The following TMEM117 variants were observed in gnomAD, a reference collection of about 807,000 sequenced individuals.
TMEM117 encodes transmembrane protein 117.
In TMEM117, 27 loss-of-function variants were observed where a neutral mutation model predicts 52.4. The ratio of observed to expected loss-of-function variants is 0.51; its 90% confidence interval spans 0.38 to 0.71. TMEM117 has a LOEUF of 0.71. Ranked by LOEUF, TMEM117 falls within the 30% of genes least tolerant of loss-of-function variation. The probability of loss-of-function intolerance (pLI) is 0.00; values close to 1 mark genes in which losing one functional copy is unlikely to be tolerated. For missense variants in TMEM117, 556 were observed against 630.5 expected, an observed-to-expected ratio of 0.88 and a Z score of 1.26; for synonymous variants, 215 against 206.3, an observed-to-expected ratio of 1.04 and a Z score of -0.36.
At chr12:44,240,235 G>A (rs1394396777) in intron 5 of TMEM117, among the ~76,000 whole-genome samples, 1 of 152,076 alleles carries the variant, frequency 6.6e-6, no homozygotes. Flanking sequence ...TCTAATTTAT[G>A]GGTCACAGTA....
chr12:44,332,577 A>G (rs1951285228), intron 6 of TMEM117, among the ~76,000 whole-genome samples: 1 of 152,086 alleles, frequency 6.6e-6, no homozygotes, highest in Non-Finnish European at 1.5e-5. Flanking sequence ...TGAGAGTTCT[A>G]TCAATTCTAG....
At chr12:44,257,150 A>T (rs910999628) in intron 5 of TMEM117, among the ~76,000 whole-genome samples, 2 of 151,394 alleles carry the variant, frequency 1.3e-5, no homozygotes, top group Non-Finnish European at 2.9e-5. Flanking sequence ...ACTCAAGCAA[A>T]GAAGAAAGAG....
chr12:44,076,305 T>G (rs1230055492), intron 3 of TMEM117, among the ~76,000 whole-genome samples: 1 of 152,208 alleles, frequency 6.6e-6, no homozygotes, highest in Non-Finnish European at 1.5e-5. Flanking sequence ...ACACAAAAGT[T>G]ACTTGATATA....
Position 43,906,518 on chromosome 12 carries a change from C to T in TMEM117, c.278-37692C>T, listed in dbSNP as rs540587374. On this transcript the variant is annotated intron_variant, in intron 2 of 7. Coordinates refer to ENST00000266534, the MANE Select transcript of TMEM117 (RefSeq NM_032256.3). ...CAAGATGGCCGAATAGGAACAGCTC[C>T]GGTCTACAGCTCCCAGCGTGAGCGA... Among the ~76,000 whole-genome samples the T allele has an allele frequency of 9.9e-3, 1,513 of 152,084 alleles. 12 individuals are homozygous for T. The highest frequency in any genetic ancestry group is 0.034 in the South Asian group (163 of 4,806).
At chr12:44,063,066 C>A (rs1947164246) in intron 3 of TMEM117, among the ~76,000 whole-genome samples, 1 of 152,186 alleles carries the variant, frequency 6.6e-6, no homozygotes, top group Non-Finnish European at 1.5e-5. Flanking sequence ...GTTGAACAGT[C>A]TGAACATTTA....
intron 2 of TMEM117, among the ~76,000 whole-genome samples, chr12:43,898,058 AC>A (rs1333241252): frequency 6.6e-6 from 1 of 151,872 alleles, no homozygotes; most frequent in Non-Finnish European, 1.5e-5. Context: ...GCACACACAC[AC>A]ACACACACAC....
At chr12:44,189,529 T>C (rs1184885798) in intron 4 of TMEM117, among the ~76,000 whole-genome samples, 1 of 152,204 alleles carries the variant, frequency 6.6e-6, no homozygotes, top group Non-Finnish European at 1.5e-5. Context: ...ATTAACTTAC[T>C]TGTTATGTGC....
At chr12:44,178,228 T>C (rs1344580476) in intron 4 of TMEM117, among the ~76,000 whole-genome samples, 2 of 152,212 alleles carry the variant, frequency 1.3e-5, no homozygotes, top group Non-Finnish European at 2.9e-5. Context: ...ATCAATTTAT[T>C]GACCCATATT....
chr12:44,372,996 T>C lies in TMEM117; in HGVS notation c.769-3599T>C, dbSNP rs538453922. On this transcript the variant is annotated intron_variant, in intron 6 of 7. Coordinates refer to ENST00000266534, the MANE Select transcript of TMEM117 (RefSeq NM_032256.3). ...ATATGTAATTTTTATTTGTCAATTA[T>C]ACTTCAGTAAAAAATGGGCTAATAA... 2.6e-5 allele frequency among the ~76,000 whole-genome samples: 4 copies of C among 152,356 alleles called. No individual in the cohort carries two copies. The South Asian group carries it at 6.2e-4, about 24-fold the overall frequency.
At chr12:43,904,526 C>T (rs1470086770) in intron 2 of TMEM117, among the ~76,000 whole-genome samples, 1 of 152,168 alleles carries the variant, frequency 6.6e-6, no homozygotes, top group Non-Finnish European at 1.5e-5. Flanking sequence ...CCAGCCAGCT[C>T]TTTTGGAACA....
chr12:44,212,536 G>A (rs577037561), intron 5 of TMEM117, among the ~76,000 whole-genome samples: 10 of 152,136 alleles, frequency 6.6e-5, no homozygotes, highest in South Asian at 2.1e-4. Context: ...TTAACATATC[G>A]TATGCTGAGA....
chr12:43,815,400 C>T, the TMEM117 span, among the ~76,000 whole-genome samples: 134 of 152,280 alleles, frequency 8.8e-4, 1 homozygote, highest in African/African-American at 3.2e-3. Flanking sequence ...TGCCTCTCAC[C>T]AACACCAGTT....
chr12:43,846,082 T>C (rs1943202980), intron 2 of TMEM117, among the ~76,000 whole-genome samples: 3 of 152,180 alleles, frequency 2.0e-5, no homozygotes, highest in Admixed American at 2.0e-4. Flanking sequence ...GTTGGAACTA[T>C]AAACTTTTAC....
At chr12:44,204,611 A>C (rs1268588475) in intron 4 of TMEM117, among the ~76,000 whole-genome samples, 1 of 151,854 alleles carries the variant, frequency 6.6e-6, no homozygotes, top group Admixed American at 6.6e-5. Context: ...AATCCTAAGC[A>C]AACAGCACAA....
At chr12:43,939,005 A>T (rs1270801263) in intron 2 of TMEM117, among the ~76,000 whole-genome samples, 3 of 108,704 alleles carry the variant, frequency 2.8e-5, no homozygotes, top group East Asian at 3.2e-4. Context: ...GTCTCAAAAT[A>T]AAAAAAAAAA....
intron 3 of TMEM117, among the ~76,000 whole-genome samples, chr12:43,971,676 C>T (rs191764857): frequency 2.0e-5 from 3 of 152,304 alleles, no homozygotes; most frequent in East Asian, 3.9e-4. Context: ...AACCATGTGT[C>T]ACTCACATCA....
At chr12:43,965,774 CA>C (rs1333767586) in intron 3 of TMEM117, among the ~76,000 whole-genome samples, 6 of 152,050 alleles carry the variant, frequency 3.9e-5, no homozygotes, top group Non-Finnish European at 8.8e-5. Context: ...ATTTTAGATT[CA>C]GGGGGTACAT....
At chr12:44,289,352 A>G (rs1022353060) in intron 5 of TMEM117, among the ~76,000 whole-genome samples, 1 of 151,954 alleles carries the variant, frequency 6.6e-6, no homozygotes, top group Non-Finnish European at 1.5e-5. Context: ...GATATGAACA[A>G]GAAAGTGCAG....
chr12:44,355,424 T>G (rs990989712), intron 6 of TMEM117, among the ~76,000 whole-genome samples: 5 of 152,072 alleles, frequency 3.3e-5, no homozygotes, highest in Admixed American at 6.6e-5. Flanking sequence ...TAACATATGA[T>G]CACTCAATCA....
Sources: allele counts gnomAD v4.1 joint callset (sites outside exome capture counted in the v4.1 genomes callset), GRCh38; gene constraint gnomAD v4.1.1; transcripts MANE v1.5; gene names NCBI Gene and HGNC (gene_info 2026-07-23, HGNC 2026-07-21).